The following SLC17A4 variants were observed in gnomAD, a reference collection of about 807,000 sequenced individuals.
The protein encoded by SLC17A4 is probable small intestine urate exporter.
In SLC17A4, 33 loss-of-function variants were observed where a neutral mutation model predicts 52.5. That is an observed-to-expected ratio of 0.63 (90% confidence interval 0.48 to 0.84). SLC17A4 has a LOEUF of 0.84. Ranked by LOEUF, SLC17A4 falls within the 40% of genes least tolerant of loss-of-function variation. The pLI, the probability that SLC17A4 is intolerant of heterozygous loss-of-function variation, is 0.00. For missense variants in SLC17A4, 585 were observed against 597.1 expected (o/e 0.98, Z 0.21); for synonymous variants, 225 against 216.2 (o/e 1.04, Z -0.36).
rs368691707 is a variant in SLC17A4, at chr6:25,776,697, A to G, written c.1090A>G (p.Ile364Val). ...TCTCTCCAGAAAAATCCTCAGACTCATCACCATCAGGAAACTCTTCACTGC... is the reference window on the plus strand; with the variant it reads ...TCTCTCCAGAAAAATCCTCAGACTCGTCACCATCAGGAAACTCTTCACTGC... Reference protein sequence around the residue: ...FLLSRKILRLITIRKLFTAIG... With the variant: ...FLLSRKILRLVTIRKLFTAIG... Residue 364 changes from isoleucine to valine, a missense_variant, in exon 9 of 12, where the codon ATC (isoleucine) becomes GTC (valine). Physicochemically the swap from Ile to Val is conservative, Grantham distance 29 (BLOSUM62 3). Transcript: ENST00000377905. 1.4e-5 allele frequency: 22 copies of G among 1,613,856 alleles called. No individual in the cohort carries two copies. The highest frequency in any genetic ancestry group is 1.9e-5 in the Non-Finnish European group (22 of 1,179,914).
intron 2 of SLC17A4, 102 bp from the exon 3 acceptor site, chr6:25,768,883 T>C: frequency 9.3e-7 from 1 of 1,077,518 alleles, no homozygotes; most frequent in Non-Finnish European, 1.4e-6. Flanking sequence ...CTCCCTATAT[T>C]TCTGCATCTC....
chr6:25,760,584 T>C (rs1373987032), intron 1 of SLC17A4, among the ~76,000 whole-genome samples: 5 of 152,160 alleles, frequency 3.3e-5, no homozygotes, highest in Admixed American at 1.3e-4. Flanking sequence ...CTTTATTTTG[T>C]CCTCCTAGAA....
intron 2 of SLC17A4, chr6:25,768,570 C>T (rs774486428): frequency 3.9e-5 from 9 of 231,334 alleles, no homozygotes; most frequent in Non-Finnish European, 5.3e-5. Context: ...AATGGCACTT[C>T]CAGCTATCCC....
rs765419877 is a variant in SLC17A4, at chr6:25,769,111, A to G, written c.218A>G (p.Gln73Arg). Residue 73 changes from glutamine to arginine, a missense_variant, in exon 3 of 12, where the codon CAG (glutamine) becomes CGG (arginine). Gln to Arg is a conservative substitution (Grantham distance 43). Coordinates refer to ENST00000377905, the MANE Select transcript of SLC17A4 (RefSeq NM_005495.3). ...GTGAACAACACAGCCCCACCTAGCCAGCCCAATGCTTCCACAGAACGGCCC... is the reference window on the plus strand; with the variant it reads ...GTGAACAACACAGCCCCACCTAGCCGGCCCAATGCTTCCACAGAACGGCCC... ...AMVNNTAPPSQPNASTERPST... is the reference protein window; with the variant it reads ...AMVNNTAPPSRPNASTERPST... 7 of 1,613,968 alleles carry G rather than the reference A, an allele frequency of 4.3e-6. No individual in the cohort carries two copies. The Admixed American group carries it at 1.2e-4, about 27-fold the overall frequency.
Position 25,780,288 on chromosome 6 carries a change from A to G in SLC17A4, c.*1100A>G, listed in dbSNP as rs924718100. On this transcript the variant is annotated 3_prime_UTR_variant, in exon 12 of 12. Coordinates refer to ENST00000377905, the MANE Select transcript of SLC17A4 (RefSeq NM_005495.3). Reference sequence around the variant, plus strand: ...AGTTCAGTGTCTCGGGAGGGCAGATAACTTTAATCAAAGTATCACACAAGT... The same window carrying G: ...AGTTCAGTGTCTCGGGAGGGCAGATGACTTTAATCAAAGTATCACACAAGT... 1 of 152,246 alleles carries G rather than the reference A, an allele frequency of 6.6e-6. No homozygotes were observed. The highest frequency in any genetic ancestry group is 1.5e-5 in the Non-Finnish European group (1 of 68,056). 9.4% of individuals were successfully genotyped at this position (152,246 alleles called of 1,614,324 possible).
At position 25,770,403 on chromosome 6, in the gene SLC17A4, A is replaced by G. The variant is rs755617921; in HGVS notation, c.551A>G (p.Gln184Arg). ...GIAQVMVLTG[Q>R]YSIWVKWAPP... Reference sequence around the variant, plus strand: ...CCCCAGGTTATGGTATTAACTGGTCAGTATTCAATTTGGGTCAAATGGGCT... The same window carrying G: ...CCCCAGGTTATGGTATTAACTGGTCGGTATTCAATTTGGGTCAAATGGGCT... Residue 184 changes from glutamine (Q) to arginine (R), a missense_variant, in exon 5 of 12, where the codon CAG (glutamine) becomes CGG (arginine). Transcript: ENST00000377905. 41 of 1,614,008 alleles carry G rather than the reference A, an allele frequency of 2.5e-5. No individual in the cohort carries two copies. Among genetic ancestry groups the G allele is most frequent in the Non-Finnish European group, 3.5e-5 (41 of 1,179,982 alleles).
At chr6:25,778,334 C>T (rs370661121) in intron 11 of SLC17A4, among the ~76,000 whole-genome samples, 221 of 151,716 alleles carry the variant, frequency 1.5e-3, no homozygotes, top group African/African-American at 5.1e-3. Context: ...AATGACTTTC[C>T]TGTGGTTTTT....
chr6:25,776,693 A>T lies in SLC17A4; in HGVS notation c.1086A>T (p.Arg362Ser). The change falls in exon 9 of 12, where the codon AGA becomes AGT. Residue 362 changes from arginine to serine, a missense_variant. Transcript: ENST00000377905. ...ADFLLSRKIL[R>S]LITIRKLFTA... ...TTCTTCTCTCCAGAAAAATCCTCAG[A>T]CTCATCACCATCAGGAAACTCTTCA... 6.2e-7 allele frequency: 1 copy of T among 1,613,886 alleles called. No individual in the cohort carries two copies. Among genetic ancestry groups the T allele is most frequent in the Non-Finnish European group, 8.5e-7 (1 of 1,179,886 alleles).
chr6:25,776,094 C>A (rs1299935759), intron 8 of SLC17A4, among the ~76,000 whole-genome samples: 1 of 151,940 alleles, frequency 6.6e-6, no homozygotes, highest in Non-Finnish European at 1.5e-5. Flanking sequence ...CTCAATAGAG[C>A]ACCAGTAATA....
At chr6:25,762,785 T>G (rs1005434228) in intron 2 of SLC17A4, among the ~76,000 whole-genome samples, 11 of 152,200 alleles carry the variant, frequency 7.2e-5, no homozygotes, top group African/African-American at 2.7e-4. Flanking sequence ...GTACTCAACC[T>G]ACAACTAGTC....
chr6:25,754,800 T>A lies in SLC17A4; in HGVS notation c.-37+19T>A, dbSNP rs1004580423. ...CCCTCAGGTTAGTTAGCTTTCAAACTTTTACCCTTAATATTCTGCTTTTGA... is the reference window on the plus strand; with the variant it reads ...CCCTCAGGTTAGTTAGCTTTCAAACATTTACCCTTAATATTCTGCTTTTGA... On this transcript the variant is annotated intron_variant, in intron 1 of 11. Transcript: ENST00000377905. The A allele has an allele frequency of 4.6e-5, 7 of 152,138 alleles. No homozygotes were observed. The highest frequency in any genetic ancestry group is 1.7e-4 in the African/African-American group (7 of 41,422). The allele number at this position is 152,138 out of a possible 1,614,324, so 9.4% of individuals were successfully genotyped here. A position where few individuals can be genotyped will look rare whatever the true frequency, so the allele number is the denominator to read the frequency against.
intron 1 of SLC17A4, among the ~76,000 whole-genome samples, chr6:25,760,313 A>C (rs529972372): frequency 6.6e-6 from 1 of 152,304 alleles, no homozygotes; most frequent in Admixed American, 6.5e-5. Flanking sequence ...GAAGTTGAGC[A>C]AATGCTACTC....
chr6:25,773,527 C>T lies in SLC17A4; in HGVS notation c.840C>T (p.Gly280=). The part of the protein sequence containing the change: ...CSLAQQDCSP[G]WSLPIRAMIK... ...CTTTCTTCCAGGACTGTTCACCAGG[C>T]TGGTCTCTTCCCATTAGGGCTATGA... The change falls in exon 8 of 12, where the codon GGC becomes GGT. Residue 280 remains glycine, a synonymous_variant. Transcript: ENST00000377905. 6.2e-7 allele frequency: 1 copy of T among 1,613,876 alleles called. No homozygotes were observed.
Position 25,778,934 on chromosome 6 carries a change from C to T in SLC17A4, c.1360-120C>T, listed in dbSNP as rs79232152. On this transcript the variant is annotated intron_variant, in intron 11 of 11. Transcript: ENST00000377905. ...GAGTATTCTAGGACCAACTGGGAAG[C>T]CCATGGAAGCCAGAGTGGAGGTCGG... 7.5e-3 allele frequency: 9,667 copies of T among 1,287,058 alleles called. 167 individuals are homozygous for T. The highest frequency in any genetic ancestry group is 0.058 in the African/African-American group (3,889 of 67,546). The allele number at this position is 1,287,058 out of a possible 1,614,324, so 79.7% of individuals were successfully genotyped here.
chr6:25,775,370 T>C (rs566741150), intron 8 of SLC17A4, among the ~76,000 whole-genome samples: 116 of 152,174 alleles, frequency 7.6e-4, no homozygotes, highest in South Asian at 2.5e-3. Context: ...TTTCTTTCAT[T>C]ACTGTTCCTA....
intron 1 of SLC17A4, among the ~76,000 whole-genome samples, chr6:25,757,905 C>T (rs1761163272): frequency 6.6e-6 from 1 of 152,202 alleles, no homozygotes; most frequent in Admixed American, 6.5e-5. Context: ...AGGCAGTCCG[C>T]CCTGTCTTTT....
At chr6:25,756,581 A>C (rs1273168665) in intron 1 of SLC17A4, among the ~76,000 whole-genome samples, 3 of 152,180 alleles carry the variant, frequency 2.0e-5, no homozygotes, top group Non-Finnish European at 4.4e-5. Flanking sequence ...CCACAACAGC[A>C]CTGTCCTCCC....
At chr6:25,764,810 C>G (rs1046873189) in intron 2 of SLC17A4, among the ~76,000 whole-genome samples, 3 of 152,218 alleles carry the variant, frequency 2.0e-5, no homozygotes, top group Admixed American at 6.5e-5. Flanking sequence ...CCTTTCTGAT[C>G]TGCAATTTAG....
At chr6:25,768,424 A>G (rs1762199786) in intron 2 of SLC17A4, 1 of 986,376 alleles carries the variant, frequency 1.0e-6, no homozygotes, top group Non-Finnish European at 1.2e-6. Flanking sequence ...ATGGAACACT[A>G]GCAAATTTTG....
Sources: gnomAD v4.1 joint callset for allele counts (sites outside exome capture counted in the v4.1 genomes callset) on GRCh38, gnomAD v4.1.1 for gene constraint, MANE v1.5 for transcripts, NCBI Gene and HGNC (gene_info 2026-07-23, HGNC 2026-07-21) for gene names.